The following LIMS1 variants were observed in gnomAD, a reference collection of about 807,000 sequenced individuals.
The protein encoded by LIMS1 is LIM and senescent cell antigen-like-containing domain protein 1.
In LIMS1, 18 loss-of-function variants were observed where a neutral mutation model predicts 44.1. The observed-to-expected ratio is 0.41, with a 90% CI of 0.28 to 0.61. The LOEUF (loss-of-function observed/expected upper bound fraction) is 0.61, where lower values mean the gene tolerates loss of function less well. LIMS1 is among the 20% of genes least tolerant of loss of function. LIMS1 has a pLI of 0.32. For missense variants in LIMS1, 201 were observed against 422.0 expected (o/e 0.48, Z 4.59); for synonymous variants, 93 against 149.1 (o/e 0.62, Z 2.74).
At chr2:108,550,065 A>C (rs1684629908) in intron 1 of LIMS1, among the ~76,000 whole-genome samples, 1 of 152,194 alleles carries the variant, frequency 6.6e-6, no homozygotes. Flanking sequence ...TATCATATTT[A>C]TTAAAGCTTT....
chr2:108,540,531 A>T (rs1282978760), intron 1 of LIMS1, among the ~76,000 whole-genome samples: 1 of 152,100 alleles, frequency 6.6e-6, no homozygotes, highest in African/African-American at 2.4e-5. Flanking sequence ...GGGTTTGTGG[A>T]ATTCGTGGTA....
intron 1 of LIMS1, among the ~76,000 whole-genome samples, chr2:108,602,654 A>G (rs1573418504): frequency 6.6e-6 from 1 of 152,224 alleles, no homozygotes; most frequent in African/African-American, 2.4e-5. Flanking sequence ...TCCTAGGGAT[A>G]AATCCCACTT....
chr2:108,641,859 G>A (rs1270844360), intron 1 of LIMS1, among the ~76,000 whole-genome samples: 2 of 152,158 alleles, frequency 1.3e-5, no homozygotes, highest in Admixed American at 1.3e-4. Flanking sequence ...AAAATCCAGT[G>A]CATTTGTTCT....
intron 1 of LIMS1, among the ~76,000 whole-genome samples, chr2:108,640,063 A>T (rs761542337): frequency 2.0e-5 from 3 of 152,092 alleles, no homozygotes; most frequent in Non-Finnish European, 4.4e-5. Context: ...TTTCCCATCC[A>T]GTCTCGTGTC....
intron 1 of LIMS1, among the ~76,000 whole-genome samples, chr2:108,622,019 A>G (rs1164296093): frequency 6.6e-6 from 1 of 152,218 alleles, no homozygotes; most frequent in East Asian, 1.9e-4. Context: ...AATTTCCCTA[A>G]AACAACACAA....
At chr2:108,656,872 T>G (rs1690898795) in intron 1 of LIMS1, among the ~76,000 whole-genome samples, 1 of 78,382 alleles carries the variant, frequency 1.3e-5, no homozygotes, top group Non-Finnish European at 2.6e-5. Flanking sequence ...TAAAAACTAT[T>G]AAGGTTCCCA....
intron 1 of LIMS1, among the ~76,000 whole-genome samples, chr2:108,634,895 C>T (rs903883530): frequency 1.3e-5 from 2 of 152,198 alleles, no homozygotes; most frequent in Non-Finnish European, 2.9e-5. Context: ...GTTCACTGAT[C>T]GCCTCAGTTC....
rs891510219 is a variant in LIMS1, at chr2:108,611,248, T to C, written c.33-48357T>C. On this transcript the variant is annotated intron_variant, in intron 1 of 9. Transcript: ENST00000544547. ...TGGGAATAATAATAGTACTGTTTCA[T>C]TAGATTATTGTAAAAACTAAATTTG... Among the ~76,000 whole-genome samples the C allele has an allele frequency of 4.6e-5, 7 of 152,208 alleles. No homozygotes were observed. In the East Asian group the frequency reaches 1.3e-3, roughly 29 times the overall value.
chr2:108,623,658 A>G (rs1688390191), intron 1 of LIMS1, among the ~76,000 whole-genome samples: 2 of 152,174 alleles, frequency 1.3e-5, no homozygotes, highest in African/African-American at 2.4e-5. Flanking sequence ...ATGACCACAG[A>G]TTTTCTCTCC....
chr2:108,580,557 C>T (rs774914770), intron 1 of LIMS1, among the ~76,000 whole-genome samples: 8 of 152,046 alleles, frequency 5.3e-5, no homozygotes, highest in Non-Finnish European at 1.0e-4. Flanking sequence ...GAGGGATGTT[C>T]AGAGGCCAGT....
At chr2:108,552,198 A>G (rs975630431) in intron 1 of LIMS1, among the ~76,000 whole-genome samples, 1 of 144,846 alleles carries the variant, frequency 6.9e-6, no homozygotes, top group East Asian at 2.0e-4. Context: ...CAGTATATAT[A>G]AAATATACAA....
chr2:108,553,052 T>A (rs1297480647), intron 1 of LIMS1, among the ~76,000 whole-genome samples: 2 of 152,162 alleles, frequency 1.3e-5, no homozygotes. Context: ...GCATGAGAAA[T>A]CACTGTGGAC....
chr2:108,539,867 T>A (rs973778707), intron 1 of LIMS1, among the ~76,000 whole-genome samples: 1 of 152,212 alleles, frequency 6.6e-6, no homozygotes, highest in African/African-American at 2.4e-5. Flanking sequence ...TTTTGTTTCT[T>A]CCTGTCCTTC....
chr2:108,675,922 A>G (rs763821624), exon 6 of LIMS1: 1 of 1,613,990 alleles, frequency 6.2e-7, no homozygotes, highest in South Asian at 1.1e-5. Flanking sequence ...GGGGAGCTAT[A>G]CTGCCTCCCA....
chr2:108,580,326 A>T (rs2718722), intron 1 of LIMS1, among the ~76,000 whole-genome samples: 95,142 of 152,052 alleles, frequency 0.63, 30,366 homozygotes, highest in East Asian at 0.97. Flanking sequence ...TCAAGTCCAT[A>T]GTCCAAATGG....
At chr2:108,630,108 T>A (rs936142561) in intron 1 of LIMS1, among the ~76,000 whole-genome samples, 1 of 149,692 alleles carries the variant, frequency 6.7e-6, no homozygotes, top group East Asian at 2.0e-4. Flanking sequence ...GCTGGAGGAT[T>A]GCTTGAGCCT....
exon 10 of LIMS1, chr2:108,684,599 C>T (rs1693211006): frequency 6.6e-6 from 1 of 151,916 alleles, no homozygotes; most frequent in African/African-American, 2.4e-5. Flanking sequence ...AGTTTTATAA[C>T]CTGCTCTCCT....
chr2:108,660,265 A>AG (rs1319050488), intron 2 of LIMS1: 2 of 468,500 alleles, frequency 4.3e-6, no homozygotes, highest in South Asian at 1.6e-5. Flanking sequence ...GGAAAAAAAA[A>AG]TAAGTATTTT....
chr2:108,580,915 T>A (rs1039598956), intron 1 of LIMS1, among the ~76,000 whole-genome samples: 4 of 152,206 alleles, frequency 2.6e-5, no homozygotes, highest in African/African-American at 9.6e-5. Context: ...CACTTCCCCA[T>A]TAAATTACTT....
Sources: gnomAD v4.1 joint callset for allele counts (sites outside exome capture counted in the v4.1 genomes callset) on GRCh38, gnomAD v4.1.1 for gene constraint, MANE v1.5 for transcripts, NCBI Gene and HGNC (gene_info 2026-07-23, HGNC 2026-07-21) for gene names.